The following MAP7D2 variants were observed in gnomAD, a reference collection of about 807,000 sequenced individuals.
MAP7D2 encodes the protein MAP7 domain-containing protein 2.
In MAP7D2, 33 loss-of-function variants were observed where a neutral mutation model predicts 63.5. The ratio of observed to expected loss-of-function variants is 0.52; its 90% CI spans 0.39 to 0.70. The LOEUF is 0.70. Ranked by LOEUF, MAP7D2 falls within the 30% of genes least tolerant of loss-of-function variation. The probability of loss-of-function intolerance (pLI) is 0.00; values close to 1 mark genes in which losing one functional copy is unlikely to be tolerated. For missense variants in MAP7D2, 626 were observed against 604.0 expected, an observed-to-expected ratio of 1.04 and a Z score of -0.38; for synonymous variants, 224 against 223.7, an observed-to-expected ratio of 1.00 and a Z score of -0.01.
At chrX:20,013,334 C>T (rs1290975667) in intron 13 of MAP7D2, among the ~76,000 whole-genome samples, 2 of 111,608 alleles carry the variant, frequency 1.8e-5, no homozygotes, top group Non-Finnish European at 3.8e-5. Context: ...GACTACTATG[C>T]CTCTCTCTTC....
chrX:20,085,997 C>A (rs1211998171), intron 1 of MAP7D2, among the ~76,000 whole-genome samples: 1 of 112,544 alleles, frequency 8.9e-6, no homozygotes, highest in African/African-American at 3.2e-5. Flanking sequence ...CAGGTGTGAG[C>A]CACCGTGCAG....
At chrX:20,056,821 C>T (rs1235348926) in intron 3 of MAP7D2, 30 bp from the exon 4 acceptor site, 9 of 1,154,643 alleles carry the variant, frequency 7.8e-6, no homozygotes, top group Non-Finnish European at 9.4e-6. Context: ...CAAGTGTTAA[C>T]AAGATTAACT....
At chrX:20,063,683 G>T in intron 2 of MAP7D2, 106 bp from the exon 3 acceptor site, 1 of 882,780 alleles carries the variant, frequency 1.1e-6, no homozygotes, top group Non-Finnish European at 1.6e-6. Context: ...AAAGAGCCTG[G>T]TAGGATCCTA....
At chrX:20,062,932 T>C (rs2065256371) in intron 3 of MAP7D2, among the ~76,000 whole-genome samples, 1 of 111,411 alleles carries the variant, frequency 9.0e-6, no homozygotes, top group Admixed American at 9.5e-5. Context: ...CCTCACAAGC[T>C]CTTGTTCTGG....
Position 20,050,764 on chromosome X carries a change from TA to T in MAP7D2, c.718+59del, listed in dbSNP as rs201115489. On this transcript the variant is annotated intron_variant, in intron 6 of 16. Coordinates refer to ENST00000379643, the MANE Select transcript of MAP7D2 (RefSeq NM_001168465.2). ...AATCCAAAAATTCAGGAGTAAATCC[TA>T]GGCTGACCAACACCTCTTCGGGCAT... 4.5e-6 allele frequency: 5 copies of T among 1,106,856 alleles called. No homozygotes were observed. In the East Asian group the frequency reaches 1.6e-4, roughly 35 times the overall value. The allele number at this position is 1,106,856 out of a possible 1,213,427, so 91.2% of individuals were successfully genotyped here. A position where few individuals can be genotyped will look rare whatever the true frequency, so the allele number is the denominator to read the frequency against.
rs536942215 is a variant in MAP7D2, at chrX:20,010,166, A to G, written c.*26+611T>C. On this transcript the variant is annotated intron_variant, in intron 16 of 16. Coordinates refer to ENST00000379643, the MANE Select transcript of MAP7D2 (RefSeq NM_001168465.2). Reference sequence around the variant, plus strand: ...AAGTATACCTTACTACAGAGTGTATATAACTCATAGACATTCTTGCTCAAA... The same window carrying G: ...AAGTATACCTTACTACAGAGTGTATGTAACTCATAGACATTCTTGCTCAAA... 2.7e-3 allele frequency among the ~76,000 whole-genome samples: 299 copies of G among 112,437 alleles called. 2 individuals are homozygous for G. The highest frequency in any genetic ancestry group is 9.2e-3 in the African/African-American group (285 of 30,978).
intron 1 of MAP7D2, among the ~76,000 whole-genome samples, chrX:20,085,540 C>T (rs1444739096): frequency 1.8e-5 from 2 of 112,000 alleles, no homozygotes; most frequent in Non-Finnish European, 3.8e-5. Context: ...CAATATGGCA[C>T]TGAGTACTTT....
At chrX:20,090,222 T>C (rs1172147854) in intron 1 of MAP7D2, among the ~76,000 whole-genome samples, 1 of 110,067 alleles carries the variant, frequency 9.1e-6, no homozygotes, top group South Asian at 3.9e-4. Flanking sequence ...CGGCCGGGCA[T>C]GGTGGCTCAC....
chrX:20,080,453 G>A (rs1013389806), intron 1 of MAP7D2, among the ~76,000 whole-genome samples: 2 of 110,792 alleles, frequency 1.8e-5, no homozygotes, highest in Non-Finnish European at 3.8e-5. Context: ...CAGTAAACAT[G>A]GACAGGGCAG....
intron 1 of MAP7D2, among the ~76,000 whole-genome samples, chrX:20,094,516 GTATA>G (rs1208747143): frequency 0.23 from 2,733 of 11,823 alleles, 449 homozygotes; most frequent in Non-Finnish European, 0.26. Flanking sequence ...ATATATATAT[GTATA>G]TATATATATA....
At chrX:20,054,499 T>C (rs73631379) in intron 4 of MAP7D2, among the ~76,000 whole-genome samples, 2,170 of 111,500 alleles carry the variant, frequency 0.019, 53 homozygotes, top group African/African-American at 0.066. Context: ...AATTGTATGC[T>C]CTAGTCAAGT....
chrX:20,073,254 T>C (rs1373341405), intron 1 of MAP7D2, among the ~76,000 whole-genome samples: 1 of 112,056 alleles, frequency 8.9e-6, no homozygotes, highest in East Asian at 2.8e-4. Flanking sequence ...GTAAAAATCA[T>C]ATATATTTCT....
At chrX:20,101,667 T>G (rs919294037) in intron 1 of MAP7D2, among the ~76,000 whole-genome samples, 1 of 112,451 alleles carries the variant, frequency 8.9e-6, no homozygotes, top group East Asian at 2.8e-4. Context: ...AGCAAGAGAA[T>G]TGATAAAACA....
intron 3 of MAP7D2, 78 bp from the exon 4 acceptor site, chrX:20,056,869 A>ACT: frequency 1.1e-6 from 1 of 907,808 alleles, no homozygotes; most frequent in Non-Finnish European, 1.6e-6. Flanking sequence ...CTCAGTGCAC[A>ACT]GTGTGAGTCA....
chrX:20,070,098 G>A (rs1277827805), intron 1 of MAP7D2, among the ~76,000 whole-genome samples: 2 of 110,839 alleles, frequency 1.8e-5, no homozygotes, highest in South Asian at 3.8e-4. Flanking sequence ...ATAGGCATGC[G>A]CCACCACGCC....
At chrX:20,019,573 A>G (rs775280301) in intron 10 of MAP7D2, among the ~76,000 whole-genome samples, 2 of 111,600 alleles carry the variant, frequency 1.8e-5, no homozygotes, top group Non-Finnish European at 3.8e-5. Flanking sequence ...AACCTTCCTC[A>G]TGTCACTGAC....
At chrX:20,051,544 TCAAAAAAAAAACAAA>T (rs1353211114) in intron 5 of MAP7D2, among the ~76,000 whole-genome samples, 19 of 95,283 alleles carry the variant, frequency 2.0e-4, no homozygotes, top group African/African-American at 2.7e-4. Context: ...AGAGCCTGTC[TCAAAAAAAAAACAAA>T]CAAAAAAAAA....
At chrX:20,047,977 C>T (rs2064845406) in intron 6 of MAP7D2, among the ~76,000 whole-genome samples, 2 of 111,400 alleles carry the variant, frequency 1.8e-5, no homozygotes, top group South Asian at 7.6e-4. Flanking sequence ...GATGGTCTCA[C>T]CCCCTGCTAT....
intron 10 of MAP7D2, among the ~76,000 whole-genome samples, chrX:20,020,335 T>G (rs2073591765): frequency 9.0e-6 from 1 of 111,218 alleles, no homozygotes; most frequent in African/African-American, 3.3e-5. Flanking sequence ...CAAGCAACCC[T>G]CCTCAGTCCT....
Sources: gnomAD v4.1 joint callset for allele counts (sites outside exome capture counted in the v4.1 genomes callset) on GRCh38, gnomAD v4.1.1 for gene constraint, MANE v1.5 for transcripts, NCBI Gene and HGNC (gene_info 2026-07-23, HGNC 2026-07-21) for gene names.